Variants in XRCC5 observed in about 807,000 individuals in gnomAD.
XRCC5 encodes the protein DNA repair protein Ku80.
In XRCC5, 12 loss-of-function variants were observed where a neutral mutation model predicts 95.7. That is an observed-to-expected ratio of 0.13 (90% confidence interval 0.08 to 0.20). The LOEUF is 0.20. Among genes scored for constraint, XRCC5 ranks in the 10% least tolerant of loss-of-function variants. The probability of loss-of-function intolerance (pLI) is 1.00; values close to 1 mark genes in which losing one functional copy is unlikely to be tolerated. For synonymous variants in XRCC5, 281 were observed against 290.3 expected (o/e 0.97, Z 0.33); for missense variants, 595 against 873.9 (o/e 0.68, Z 4.02).
In XRCC5 at chr2:216,151,995, A is replaced by G. The variant is rs117673037; in HGVS notation, c.1670+3719A>G. ...TGGCAGCAGGCAAGATCGAGTGTAT[A>G]TCAGCACAGAAGAAACTACCTTATA... On this transcript the variant is annotated intron_variant, in intron 14 of 20. Coordinates refer to ENST00000392132, the MANE Select transcript of XRCC5 (RefSeq NM_021141.4). 7.4e-4 allele frequency among the ~76,000 whole-genome samples: 112 copies of G among 152,328 alleles called. 3 individuals carry two copies. The East Asian group carries it at 0.019, about 25-fold the overall frequency.
intron 1 of XRCC5, among the ~76,000 whole-genome samples, chr2:216,111,710 T>C (rs1696594013): frequency 6.6e-6 from 1 of 152,226 alleles, no homozygotes; most frequent in Non-Finnish European, 1.5e-5. Flanking sequence ...CCAGAACTGC[T>C]CACAGTTTGT....
In XRCC5 at chr2:216,137,193, G is replaced by A. The variant is rs866431729; in HGVS notation, c.1219G>A (p.Val407Met). ...CAAAAGAGCTAATCCTCAAGTCGGCGTGGCTTTTCCTCATATCAAGCATAA... is the reference window on the plus strand; with the variant it reads ...CAAAAGAGCTAATCCTCAAGTCGGCATGGCTTTTCCTCATATCAAGCATAA... ...YDKRANPQVG[V>M]AFPHIKHNYE... Residue 407 changes from valine to methionine, a missense_variant, in exon 11 of 21, where the codon GTG (valine) becomes ATG (methionine). Transcript: ENST00000392132. 3 of 1,613,492 alleles carry A rather than the reference G, an allele frequency of 1.9e-6. No homozygotes were observed. The highest frequency in any genetic ancestry group is 1.7e-6 in the Non-Finnish European group (2 of 1,179,634).
intron 14 of XRCC5, among the ~76,000 whole-genome samples, chr2:216,148,720 CTA>C (rs1246878519): frequency 1.3e-5 from 2 of 152,148 alleles, no homozygotes; most frequent in African/African-American, 2.4e-5. Context: ...GAGTGAAAAA[CTA>C]TCAATTCTTC....
intron 13 of XRCC5, among the ~76,000 whole-genome samples, chr2:216,143,073 T>G (rs1046038735): frequency 1.3e-5 from 2 of 152,234 alleles, no homozygotes; most frequent in Non-Finnish European, 2.9e-5. Flanking sequence ...TTGGGCAGAA[T>G]CATCTGACAA....
intron 16 of XRCC5, among the ~76,000 whole-genome samples, chr2:216,164,295 G>C (rs1440138143): frequency 1.3e-5 from 2 of 152,324 alleles, no homozygotes; most frequent in South Asian, 2.1e-4. Context: ...TGGACTCTGT[G>C]GTTGGTGTAG....
At chr2:216,160,434 T>C (rs2106026800) in intron 15 of XRCC5, among the ~76,000 whole-genome samples, 1 of 152,322 alleles carries the variant, frequency 6.6e-6, no homozygotes, top group Non-Finnish European at 1.5e-5. Context: ...ATTTTGCTGT[T>C]GGCATTATTT....
intron 20 of XRCC5, 33 bp downstream of exon 20, chr2:216,204,429 T>G: frequency 6.2e-7 from 1 of 1,610,432 alleles, no homozygotes; most frequent in Non-Finnish European, 8.5e-7. Flanking sequence ...TGGTGTTCTA[T>G]GATTGAAGTC....
intron 8 of XRCC5, among the ~76,000 whole-genome samples, chr2:216,129,369 C>A (rs748831779): frequency 2.6e-5 from 4 of 152,128 alleles, no homozygotes; most frequent in Admixed American, 6.5e-5. Context: ...GACCAGTATA[C>A]ACATGTGGGC....
At chr2:216,112,929 G>A (rs1437670939) in intron 1 of XRCC5, 87 bp from the exon 2 acceptor site, 5 of 996,124 alleles carry the variant, frequency 5.0e-6, no homozygotes, top group Admixed American at 2.0e-5. Context: ...ACTGATACAG[G>A]TTCATGAATA....
At chr2:216,199,572 T>TGATTA (rs1160535825) in intron 19 of XRCC5, among the ~76,000 whole-genome samples, 1 of 152,210 alleles carries the variant, frequency 6.6e-6, no homozygotes, top group Non-Finnish European at 1.5e-5. Context: ...CTAGTTTATA[T>TGATTA]GATTAGATAT....
intron 16 of XRCC5, among the ~76,000 whole-genome samples, chr2:216,170,120 T>C (rs950203392): frequency 3.3e-5 from 5 of 149,966 alleles, no homozygotes; most frequent in Admixed American, 2.0e-4. Flanking sequence ...AGTTAAGGTT[T>C]TCTGGGATCC....
At chr2:216,126,591 C>G (rs1198370090) in intron 7 of XRCC5, among the ~76,000 whole-genome samples, 1 of 152,162 alleles carries the variant, frequency 6.6e-6, no homozygotes, top group Non-Finnish European at 1.5e-5. Context: ...GAGTAGGAAT[C>G]TGATGCGTGC....
intron 2 of XRCC5, among the ~76,000 whole-genome samples, chr2:216,115,062 G>A (rs1477203795): frequency 6.6e-6 from 1 of 152,158 alleles, no homozygotes; most frequent in Non-Finnish European, 1.5e-5. Flanking sequence ...GATTTTTCAC[G>A]TGGCCCTCTT....
At chr2:216,121,954 T>C in intron 5 of XRCC5, 108 bp from the exon 6 acceptor site, 2 of 1,003,038 alleles carry the variant, frequency 2.0e-6, no homozygotes, top group South Asian at 4.3e-5. Context: ...GTTTGACAGA[T>C]GAGAAATTTG....
chr2:216,195,425 C>CT (rs879829969), intron 19 of XRCC5, among the ~76,000 whole-genome samples: 214 of 78,760 alleles, frequency 2.7e-3, no homozygotes, highest in African/African-American at 5.8e-3. Context: ...TTCTTTCTTT[C>CT]TTTTTTTTTT....
At chr2:216,183,165 A>G (rs902011081) in intron 16 of XRCC5, among the ~76,000 whole-genome samples, 56 of 152,358 alleles carry the variant, frequency 3.7e-4, no homozygotes, top group African/African-American at 1.2e-3. Flanking sequence ...GAGACCTTCC[A>G]TATCATTCTT....
Position 216,156,658 on chromosome 2 carries a change from G to C in XRCC5, c.1671-3410G>C, listed in dbSNP as rs1109108. 4.3e-3 allele frequency: 2,376 copies of C among 550,792 alleles called. 44 individuals are homozygous for C. Among genetic ancestry groups the C allele is most frequent in the African/African-American group, 0.039 (2,071 of 52,644 alleles). The allele number at this position is 550,792 out of a possible 1,614,324, so 34.1% of individuals were successfully genotyped here. Reference sequence around the variant, plus strand: ...ACATATAGTGACCCCAAATGCAAGAGCTTCATAACTCACTGCAATTATTCT... The same window carrying C: ...ACATATAGTGACCCCAAATGCAAGACCTTCATAACTCACTGCAATTATTCT... On this transcript the variant is annotated intron_variant, in intron 14 of 20. Transcript: ENST00000392132.
chr2:216,130,803 C>T (rs1245798319), intron 8 of XRCC5, 72 bp from the exon 9 acceptor site: 2 of 968,580 alleles, frequency 2.1e-6, no homozygotes, highest in Admixed American at 2.3e-5. Context: ...TTAATGTATG[C>T]ATGGAACTAA....
At position 216,205,384 on chromosome 2, in the gene XRCC5, A is replaced by G. The variant is rs1049069273; in HGVS notation, c.*182A>G. 1.1e-5 allele frequency: 7 copies of G among 662,242 alleles called. No homozygotes were observed. Among genetic ancestry groups the G allele is most frequent in the Non-Finnish European group, 1.9e-5 (7 of 373,672 alleles). 41.0% of individuals were successfully genotyped at this position (662,242 alleles called of 1,614,324 possible). A position where few individuals can be genotyped will look rare whatever the true frequency, so the allele number is the denominator to read the frequency against. ...AATACACACATATATATTACAAGGG[A>G]TAATTTAGACCCCATACAAGTTTAT... is the stretch of plus-strand genomic sequence containing the variant. On this transcript the variant is annotated 3_prime_UTR_variant, in exon 21 of 21. Transcript: ENST00000392132.
Sources: gnomAD v4.1 joint callset for allele counts (sites outside exome capture counted in the v4.1 genomes callset) on GRCh38, gnomAD v4.1.1 for gene constraint, MANE v1.5 for transcripts, NCBI Gene and HGNC (gene_info 2026-07-23, HGNC 2026-07-21) for gene names.